Variants in NELL1 observed in about 807,000 individuals in gnomAD.
NELL1 encodes protein kinase C-binding protein NELL1.
A neutral mutation model predicts 107.4 loss-of-function variants in NELL1; 76 were observed. That is an observed-to-expected ratio of 0.71 (90% CI 0.59 to 0.86). The LOEUF is 0.86. NELL1 is among the 40% of genes least tolerant of loss of function. The pLI, the probability that NELL1 is intolerant of heterozygous loss-of-function variation, is 0.00. For synonymous variants in NELL1, 353 were observed against 341.2 expected, an observed-to-expected ratio of 1.03 and a Z score of -0.38; for missense variants, 1,024 against 1,005.5, an observed-to-expected ratio of 1.02 and a Z score of -0.25.
At chr11:20,928,759 G>A (rs1397432127) in intron 9 of NELL1, among the ~76,000 whole-genome samples, 3 of 152,128 alleles carry the variant, frequency 2.0e-5, no homozygotes, top group Non-Finnish European at 2.9e-5. Flanking sequence ...CAGGGATTAA[G>A]TCACTTGTCC....
At chr11:21,030,012 C>A (rs16907295) in intron 12 of NELL1, among the ~76,000 whole-genome samples, 7,768 of 152,196 alleles carry the variant, frequency 0.051, 519 homozygotes, top group East Asian at 0.35. Context: ...ATTGCCAGTA[C>A]AGAAGTAAAT....
chr11:20,975,834 C>CGT (rs1851605698), intron 12 of NELL1, among the ~76,000 whole-genome samples: 1 of 117,208 alleles, frequency 8.5e-6, no homozygotes, highest in African/African-American at 3.4e-5. Context: ...TATATATGTA[C>CGT]ATATGTGTAT....
chr11:20,688,289 A>C (rs113648493), intron 2 of NELL1, among the ~76,000 whole-genome samples: 6,367 of 152,094 alleles, frequency 0.042, 447 homozygotes, highest in African/African-American at 0.15. Context: ...ACTTGGGTAT[A>C]TTGTGTGATG....
chr11:21,195,476 C>T (rs913033301), intron 13 of NELL1, among the ~76,000 whole-genome samples: 1 of 151,276 alleles, frequency 6.6e-6, no homozygotes, highest in Non-Finnish European at 1.5e-5. Context: ...TTTCTTCCTT[C>T]CCACATTTAC....
At chr11:20,835,551 T>A (rs556905515) in intron 3 of NELL1, among the ~76,000 whole-genome samples, 1 of 152,220 alleles carries the variant, frequency 6.6e-6, no homozygotes, top group Admixed American at 6.5e-5. Context: ...ATAAGAAAGT[T>A]TTCTTATTAC....
At chr11:21,559,337 A>C (rs1856797218) in intron 16 of NELL1, among the ~76,000 whole-genome samples, 1 of 152,092 alleles carries the variant, frequency 6.6e-6, no homozygotes, top group Admixed American at 6.6e-5. Context: ...AGAGTTATCC[A>C]AAGGTGGAGT....
intron 10 of NELL1, among the ~76,000 whole-genome samples, chr11:20,940,908 G>A (rs549810342): frequency 1.4e-4 from 21 of 152,214 alleles, no homozygotes; most frequent in African/African-American, 5.1e-4. Context: ...AGAGGCTGAG[G>A]TGGGCAGATC....
intron 14 of NELL1, among the ~76,000 whole-genome samples, chr11:21,358,082 G>A (rs1850980134): frequency 6.6e-6 from 1 of 152,156 alleles, no homozygotes; most frequent in South Asian, 2.1e-4. Flanking sequence ...GTAGTGTGAT[G>A]CCTCCAGATT....
At chr11:21,157,735 T>C (rs1374206001) in intron 13 of NELL1, among the ~76,000 whole-genome samples, 1 of 152,220 alleles carries the variant, frequency 6.6e-6, no homozygotes, top group East Asian at 1.9e-4. Context: ...GGTATAGATC[T>C]TCCATGCAAC....
At chr11:21,268,000 A>C (rs950043854) in intron 14 of NELL1, among the ~76,000 whole-genome samples, 1 of 151,754 alleles carries the variant, frequency 6.6e-6, no homozygotes, top group African/African-American at 2.4e-5. Flanking sequence ...TCTTGTTTTT[A>C]ATCTATTTAG....
chr11:20,970,714 T>G (rs1200339722), intron 12 of NELL1, among the ~76,000 whole-genome samples: 11 of 152,118 alleles, frequency 7.2e-5, no homozygotes. Flanking sequence ...CCAAAGGATT[T>G]TGGTAGGAGA....
chr11:21,305,472 A>G (rs940942225), intron 14 of NELL1, among the ~76,000 whole-genome samples: 4 of 151,976 alleles, frequency 2.6e-5, no homozygotes, highest in Admixed American at 1.3e-4. Context: ...ATTAATCATA[A>G]TTGCCATTCT....
chr11:21,247,048 G>A (rs1858511432), intron 14 of NELL1, among the ~76,000 whole-genome samples: 2 of 152,062 alleles, frequency 1.3e-5, no homozygotes, highest in African/African-American at 2.4e-5. Flanking sequence ...TCTAAACACA[G>A]TAAAAATGTG....
chr11:20,979,898 T>C (rs532341968), intron 12 of NELL1, among the ~76,000 whole-genome samples: 1 of 152,306 alleles, frequency 6.6e-6, no homozygotes, highest in East Asian at 1.9e-4. Flanking sequence ...ACCCCATTTA[T>C]CATTTTGGCT....
intron 12 of NELL1, among the ~76,000 whole-genome samples, chr11:21,060,305 T>C (rs1853708366): frequency 6.6e-6 from 1 of 152,222 alleles, no homozygotes; most frequent in African/African-American, 2.4e-5. Context: ...GAAAATTTTA[T>C]TTCCTTCATA....
intron 15 of NELL1, among the ~76,000 whole-genome samples, chr11:21,408,627 C>T (rs1249288927): frequency 6.6e-6 from 1 of 151,980 alleles, no homozygotes; most frequent in Admixed American, 6.6e-5. Flanking sequence ...TGCCTGTTCA[C>T]TCTGATGGTA....
intron 2 of NELL1, among the ~76,000 whole-genome samples, chr11:20,761,275 A>G (rs1192561943): frequency 6.6e-6 from 1 of 152,194 alleles, no homozygotes; most frequent in African/African-American, 2.4e-5. Context: ...GCCTCAATAC[A>G]GTAGCCAGTC....
chr11:21,277,196 C>A (rs1483720326), intron 14 of NELL1, among the ~76,000 whole-genome samples: 1 of 151,504 alleles, frequency 6.6e-6, no homozygotes, highest in Non-Finnish European at 1.5e-5. Context: ...TCAAACAAAT[C>A]TACAAGAAAA....
In NELL1 at chr11:21,574,975, G is replaced by T; in HGVS notation, c.2386G>T (p.Gly796Ter). The change falls in exon 20 of 20, where the codon GGA (glycine) becomes TGA (stop). Residue 796 changes from glycine to a stop codon, truncating the protein, a stop_gained. Transcript: ENST00000357134. LOFTEE classifies it high-confidence loss of function. The stretch of plus-strand genomic sequence containing the variant: ...CACATGTTTCTTTGATGTACAGAAT[G>T]GAAGAGTCTGTTGTTCTGTGGATTT... ...SPCTTCKCKN[G>*]RVCCSVDFEC... 1 of 1,610,540 alleles carries T rather than the reference G, an allele frequency of 6.2e-7. No homozygotes were observed. The highest frequency in any genetic ancestry group is 8.5e-7 in the Non-Finnish European group (1 of 1,177,622).
Sources: allele counts gnomAD v4.1 joint callset (sites outside exome capture counted in the v4.1 genomes callset), GRCh38; gene constraint gnomAD v4.1.1; transcripts MANE v1.5; gene names NCBI Gene and HGNC (gene_info 2026-07-23, HGNC 2026-07-21).